The following RANBP2 variants were observed in gnomAD, a reference collection of about 807,000 sequenced individuals.
RANBP2 encodes RAN binding protein 2.
Under a neutral mutation model 303.6 loss-of-function variants are expected in RANBP2, and 57 were observed. The ratio of observed to expected loss-of-function variants is 0.19; its 90% CI spans 0.15 to 0.23. RANBP2 has a LOEUF of 0.23. RANBP2 is among the 10% of genes least tolerant of loss of function. The pLI is 1.00. For synonymous variants in RANBP2, 1,167 were observed against 1,301.5 expected (o/e 0.90, Z 2.23); for missense variants, 3,138 against 3,780.8 (o/e 0.83, Z 4.46).
At chr2:109,634,119 CAAAAAAAAAA>C in the RANBP2 span, among the ~76,000 whole-genome samples, 3 of 56,086 alleles carry the variant, frequency 5.3e-5, no homozygotes, top group African/African-American at 1.6e-4. Context: ...GACTCTGTCT[CAAAAAAAAAA>C]AAAAAAAAAA....
chr2:108,784,195 A>G lies in RANBP2; in HGVS notation c.*294A>G, dbSNP rs1678455913. ...AAAGCAATAGACCTCAAACTATTGAAGGAATATGATATATGCAATTTAATT... is the reference window on the plus strand; with the variant it reads ...AAAGCAATAGACCTCAAACTATTGAGGGAATATGATATATGCAATTTAATT... On this transcript the variant is annotated 3_prime_UTR_variant, in exon 29 of 29. Coordinates refer to ENST00000283195, the MANE Select transcript of RANBP2 (RefSeq NM_006267.5). 6.6e-6 allele frequency: 2 copies of G among 300,924 alleles called. No individual in the cohort carries two copies. Among genetic ancestry groups the G allele is most frequent in the Non-Finnish European group, 1.2e-5 (2 of 160,316 alleles). The allele number at this position is 300,924 out of a possible 1,614,324, so 18.6% of individuals were successfully genotyped here.
the RANBP2 span, among the ~76,000 whole-genome samples, chr2:109,102,416 A>G: frequency 8.1e-6 from 1 of 123,510 alleles, no homozygotes; most frequent in South Asian, 3.0e-4. Context: ...GTATATTTTT[A>G]AAAGAATTCC....
At chr2:108,999,064 C>G in the RANBP2 span, among the ~76,000 whole-genome samples, 2 of 152,240 alleles carry the variant, frequency 1.3e-5, no homozygotes, top group Non-Finnish European at 2.9e-5. Context: ...TATTGTCGAG[C>G]TGACTATAGA....
the RANBP2 span, among the ~76,000 whole-genome samples, chr2:109,689,286 C>T: frequency 6.6e-6 from 1 of 152,160 alleles, no homozygotes; most frequent in Non-Finnish European, 1.5e-5. Flanking sequence ...GAGCTGCAGA[C>T]AGGCTTTTGG....
At chr2:108,775,039 C>G (rs1403801091) in intron 23 of RANBP2, among the ~76,000 whole-genome samples, 1 of 152,088 alleles carries the variant, frequency 6.6e-6, no homozygotes, top group Non-Finnish European at 1.5e-5. Flanking sequence ...TAAGATCATT[C>G]TTTATTTCTA....
the RANBP2 span, among the ~76,000 whole-genome samples, chr2:109,393,317 C>T: frequency 6.6e-6 from 1 of 152,190 alleles, no homozygotes; most frequent in Non-Finnish European, 1.5e-5. Flanking sequence ...GCCGAGCTTG[C>T]AAACAGTGTT....
the RANBP2 span, among the ~76,000 whole-genome samples, chr2:109,159,931 A>G: frequency 6.6e-6 from 1 of 152,218 alleles, no homozygotes; most frequent in Non-Finnish European, 1.5e-5. Flanking sequence ...TGAGTTGTAT[A>G]ATTATTTAAT....
At chr2:109,240,479 A>G in the RANBP2 span, among the ~76,000 whole-genome samples, 1 of 152,180 alleles carries the variant, frequency 6.6e-6, no homozygotes, top group Non-Finnish European at 1.5e-5. Flanking sequence ...CAAACAAAAA[A>G]ACAAACAAAC....
the RANBP2 span, among the ~76,000 whole-genome samples, chr2:109,588,966 A>AG: frequency 6.6e-6 from 1 of 152,116 alleles, no homozygotes; most frequent in Admixed American, 6.6e-5. Context: ...AGAAAATGAA[A>AG]GGACAATGGC....
the RANBP2 span, among the ~76,000 whole-genome samples, chr2:108,992,728 T>A: frequency 6.6e-6 from 1 of 152,238 alleles, no homozygotes. Flanking sequence ...TTATTCAGAA[T>A]AAAATGATCA....
At chr2:108,933,040 C>G in the RANBP2 span, among the ~76,000 whole-genome samples, 1 of 152,186 alleles carries the variant, frequency 6.6e-6, no homozygotes, top group Non-Finnish European at 1.5e-5. Context: ...GCTTGTTTAT[C>G]ATTGCAACAA....
At chr2:109,688,648 G>A in the RANBP2 span, among the ~76,000 whole-genome samples, 1 of 151,404 alleles carries the variant, frequency 6.6e-6, no homozygotes, top group Non-Finnish European at 1.5e-5. Context: ...GCGTAGTGGC[G>A]CACGCCTGTA....
chr2:109,476,535 CA>C, the RANBP2 span, among the ~76,000 whole-genome samples: 1 of 152,222 alleles, frequency 6.6e-6, no homozygotes, highest in African/African-American at 2.4e-5. Context: ...TCTAGCATGT[CA>C]AAGGCTAAAA....
At chr2:109,664,533 G>A in the RANBP2 span, among the ~76,000 whole-genome samples, 1 of 152,164 alleles carries the variant, frequency 6.6e-6, no homozygotes, top group Non-Finnish European at 1.5e-5. Context: ...GAATGTGGGA[G>A]GAGGAGGTTG....
the RANBP2 span, chr2:109,613,955 G>A: frequency 4.1e-6 from 5 of 1,207,778 alleles, no homozygotes; most frequent in Non-Finnish European, 5.1e-6. Flanking sequence ...CTGCCTCCGC[G>A]ACGGGGAAGG....
the RANBP2 span, among the ~76,000 whole-genome samples, chr2:109,454,012 T>C: frequency 6.6e-6 from 1 of 152,116 alleles, no homozygotes; most frequent in African/African-American, 2.4e-5. Context: ...GGCAGGAGGG[T>C]GCCATCCTGT....
the RANBP2 span, among the ~76,000 whole-genome samples, chr2:109,066,456 G>A: frequency 3.9e-5 from 6 of 152,046 alleles, no homozygotes; most frequent in South Asian, 2.1e-4. Context: ...ACCTCGCCAC[G>A]CAAACAGCGC....
At chr2:108,930,231 C>T in the RANBP2 span, 3 of 1,614,104 alleles carry the variant, frequency 1.9e-6, no homozygotes, top group African/African-American at 2.7e-5. Context: ...GGGCTGAGCA[C>T]ATCAGAGACA....
chr2:109,687,174 G>T, the RANBP2 span, among the ~76,000 whole-genome samples: 1 of 152,076 alleles, frequency 6.6e-6, no homozygotes, highest in Non-Finnish European at 1.5e-5. Flanking sequence ...GAGACATCTG[G>T]GTCTGTGTGC....
Sources: allele counts gnomAD v4.1 joint callset (sites outside exome capture counted in the v4.1 genomes callset), GRCh38; gene constraint gnomAD v4.1.1; transcripts MANE v1.5; gene names NCBI Gene and HGNC (gene_info 2026-07-23, HGNC 2026-07-21).